PPIL4: variants seen among roughly 807,000 people sequenced by gnomAD.
The protein encoded by PPIL4 is peptidylprolyl isomerase like 4.
In PPIL4, 50 loss-of-function variants were observed where a neutral mutation model predicts 69.1. The ratio of observed to expected loss-of-function variants is 0.72; its 90% CI spans 0.58 to 0.92. PPIL4 has a LOEUF of 0.92. PPIL4 is among the 40% of genes least tolerant of loss of function. The pLI is 0.00. For synonymous variants in PPIL4, 193 were observed against 191.6 expected (o/e 1.01, Z -0.06); for missense variants, 480 against 587.9 (o/e 0.82, Z 1.90).
chr6:149,537,659 T>C (rs914769959), intron 4 of PPIL4, among the ~76,000 whole-genome samples: 4 of 151,580 alleles, frequency 2.6e-5, no homozygotes, highest in South Asian at 4.2e-4. Context: ...TGAGCAGAGA[T>C]TGCGCCACTG....
In PPIL4 at chr6:149,513,438, T is replaced by TATATAC. The variant is rs747681212; in HGVS notation, c.1080-1137_1080-1136insGTATAT. 1.2e-3 allele frequency among the ~76,000 whole-genome samples: 126 copies of TATATAC among 103,378 alleles called. 1 individual carries two copies. Among genetic ancestry groups the TATATAC allele is most frequent in the South Asian group, 3.3e-3 (10 of 2,988 alleles). 67.8% of individuals were successfully genotyped at this position (103,378 alleles called of 152,430 possible). Reference sequence around the variant, plus strand: ...ATATATATATATATATATATATATATACATATAAAAAATATGCATAATAGT... The same window carrying TATATAC: ...ATATATATATATATATATATATATATATATACACATATAAAAAATATGCATAATAGT... On this transcript the variant is annotated intron_variant, in intron 11 of 12. Coordinates refer to ENST00000253329, the MANE Select transcript of PPIL4 (RefSeq NM_139126.4).
intron 4 of PPIL4, among the ~76,000 whole-genome samples, chr6:149,539,304 C>A (rs1777325334): frequency 1.3e-5 from 2 of 152,208 alleles, no homozygotes; most frequent in Admixed American, 1.3e-4. Flanking sequence ...CTACTAAATG[C>A]TATCCAACAG....
chr6:149,512,431 G>A (rs1345083085), intron 11 of PPIL4, 129 bp from the exon 12 acceptor site: 1 of 576,028 alleles, frequency 1.7e-6, no homozygotes, highest in Non-Finnish European at 3.0e-6. Flanking sequence ...AAAGAATATA[G>A]TACATTTCTA....
At chr6:149,545,817 C>A in intron 1 of PPIL4, 119 bp downstream of exon 1, 3 of 908,492 alleles carry the variant, frequency 3.3e-6, no homozygotes, top group Non-Finnish European at 3.4e-6. Context: ...CAGTCGCGGG[C>A]ACCAGCAGCC....
At chr6:149,517,294 GTACTCTACACA>G (rs773885731) in intron 11 of PPIL4, 49 bp downstream of exon 11, 11 of 911,650 alleles carry the variant, frequency 1.2e-5, no homozygotes, top group Non-Finnish European at 2.0e-5. Flanking sequence ...ACATCACACA[GTACTCTACACA>G]TAGCAGATGG....
intron 7 of PPIL4, among the ~76,000 whole-genome samples, chr6:149,531,448 A>G (rs1777196234): frequency 6.6e-6 from 1 of 151,230 alleles, no homozygotes; most frequent in Non-Finnish European, 1.5e-5. Context: ...AGGCAGCTGA[A>G]TCGCTTGAAC....
intron 6 of PPIL4, among the ~76,000 whole-genome samples, chr6:149,534,350 G>C (rs1345084944): frequency 6.6e-6 from 1 of 152,156 alleles, no homozygotes; most frequent in African/African-American, 2.4e-5. Flanking sequence ...TTCTAGCCTG[G>C]CTCCAGAGTG....
At chr6:149,529,655 C>G (rs1288956490) in intron 7 of PPIL4, among the ~76,000 whole-genome samples, 2 of 149,202 alleles carry the variant, frequency 1.3e-5, no homozygotes, top group African/African-American at 4.9e-5. Context: ...CCCAGCTACT[C>G]AGGAGGCTGA....
intron 1 of PPIL4, among the ~76,000 whole-genome samples, chr6:149,544,241 T>C (rs1777407544): frequency 6.6e-6 from 1 of 152,160 alleles, no homozygotes; most frequent in Non-Finnish European, 1.5e-5. Context: ...AAATTCCCTA[T>C]GATATTCTTT....
chr6:149,511,909 A>G (rs1562256059), intron 12 of PPIL4, among the ~76,000 whole-genome samples: 1 of 152,106 alleles, frequency 6.6e-6, no homozygotes, highest in Non-Finnish European at 1.5e-5. Context: ...TACGGAAATC[A>G]CTCTTGCTTC....
rs753109950 is a variant in PPIL4 at position 149,534,701 on chromosome 6, C to G, written c.538G>C (p.Glu180Gln). ...PDLLIPDRSP[E>Q]PTREQLDSGR... is the part of the protein sequence containing the mutation. ...ACATCTAATTGTTCCCTTGTAGGTT[C>G]TGGTGATCGATCAGGGATTAATAAA... Residue 180 changes from glutamate (E) to glutamine (Q), a missense_variant, in exon 6 of 13, where the codon GAA becomes CAA. Coordinates refer to ENST00000253329, the MANE Select transcript of PPIL4 (RefSeq NM_139126.4). 1.4e-5 allele frequency: 22 copies of G among 1,581,102 alleles called. No homozygotes were observed. The highest frequency in any genetic ancestry group is 1.9e-5 in the Non-Finnish European group (22 of 1,154,238).
rs544047371 is a variant in PPIL4, at chr6:149,544,492, A to G, written c.70+1444T>C. On this transcript the variant is annotated intron_variant, in intron 1 of 12. Transcript: ENST00000253329. ...TAATTATGGTATAGTTCCTGCTCTCATTGGAGTTTACATTCTTGAGCGAGG... is the reference window on the plus strand; with the variant it reads ...TAATTATGGTATAGTTCCTGCTCTCGTTGGAGTTTACATTCTTGAGCGAGG... Among the ~76,000 whole-genome samples the G allele has an allele frequency of 6.6e-5, 10 of 152,332 alleles. No homozygotes were observed. In the East Asian group the frequency reaches 1.9e-3, roughly 29 times the overall value.
chr6:149,514,358 G>A (rs1419775359), intron 11 of PPIL4, among the ~76,000 whole-genome samples: 2 of 152,166 alleles, frequency 1.3e-5, no homozygotes, highest in African/African-American at 2.4e-5. Context: ...GTCTTGCTCT[G>A]TTGCCCAGGC....
chr6:149,514,796 T>C (rs1405750321), intron 11 of PPIL4, among the ~76,000 whole-genome samples: 1 of 149,308 alleles, frequency 6.7e-6, no homozygotes, highest in African/African-American at 2.6e-5. Context: ...GTGTGAATGT[T>C]TGTACTGTGA....
chr6:149,529,472 T>A (rs918256986), intron 7 of PPIL4, among the ~76,000 whole-genome samples: 26 of 150,272 alleles, frequency 1.7e-4, no homozygotes, highest in Admixed American at 9.9e-4. Context: ...TTAAAAAAAA[T>A]TAAAAAAAGG....
intron 11 of PPIL4, among the ~76,000 whole-genome samples, chr6:149,512,807 A>T (rs1167486583): frequency 6.6e-6 from 1 of 151,930 alleles, no homozygotes; most frequent in Non-Finnish European, 1.5e-5. Flanking sequence ...CAGTGGCGCG[A>T]TCTCAGCTCA....
At chr6:149,525,305 C>G (rs1004877789) in intron 8 of PPIL4, 96 bp from the exon 9 acceptor site, 18 of 621,250 alleles carry the variant, frequency 2.9e-5, no homozygotes, top group Admixed American at 8.9e-5. Context: ...AAGTCAGTTA[C>G]TACAAGGCAA....
At position 149,505,205 on chromosome 6, in the gene PPIL4, TG is replaced by T. The variant is rs1290265001; in HGVS notation, c.*247del. On this transcript the variant is annotated 3_prime_UTR_variant, in exon 13 of 13. Transcript: ENST00000253329. ...TACTTCATTAAAAAAAGAGTGAAAA[TG>T]TAAGACTTCAAAAATGAAGACTACC... 8.3e-6 allele frequency: 3 copies of T among 359,790 alleles called. No homozygotes were observed. The highest frequency in any genetic ancestry group is 4.4e-5 in the Admixed American group (1 of 22,794). The allele number at this position is 359,790 out of a possible 1,614,324, so 22.3% of individuals were successfully genotyped here.
At chr6:149,535,339 G>C (rs751542703) in intron 5 of PPIL4, among the ~76,000 whole-genome samples, 1 of 152,162 alleles carries the variant, frequency 6.6e-6, no homozygotes, top group East Asian at 1.9e-4. Flanking sequence ...CTGGGCAACA[G>C]CATGAGACTC....
Sources: allele counts gnomAD v4.1 joint callset (sites outside exome capture counted in the v4.1 genomes callset), GRCh38; gene constraint gnomAD v4.1.1; transcripts MANE v1.5; gene names NCBI Gene and HGNC (gene_info 2026-07-23, HGNC 2026-07-21).